KCNK9: variants seen among roughly 807,000 people sequenced by gnomAD.
KCNK9 encodes potassium two pore domain channel subfamily K member 9, also known as potassium channel subfamily K member 9.
In KCNK9, 1 loss-of-function variant was observed where a neutral mutation model predicts 10.8. The ratio of observed to expected loss-of-function variants is 0.09; its 90% CI spans 0.03 to 0.44. The LOEUF is 0.44. Among genes scored for constraint, KCNK9 ranks in the 20% least tolerant of loss-of-function variants. The probability of loss-of-function intolerance (pLI) is 0.97; values close to 1 mark genes in which losing one functional copy is unlikely to be tolerated. For synonymous variants in KCNK9, 231 were observed against 222.7 expected, an observed-to-expected ratio of 1.04 and a Z score of -0.33; for missense variants, 303 against 515.0, an observed-to-expected ratio of 0.59 and a Z score of 3.98.
At position 139,619,059 on chromosome 8, in the gene KCNK9, G is replaced by A. The variant is rs773384572; in HGVS notation, c.324C>T (p.Ala108=). The part of the protein sequence containing the change: ...HAAPGTDAGK[A]FCMFYAVLGI... ...CCAGCACGGCGTAGAACATGCAGAA[G>A]GCCTTGCCCGCATCGGTGCCAGGTG... Residue 108 remains alanine (A), a synonymous_variant, in exon 2 of 2, where the codon GCC becomes GCT. Coordinates refer to ENST00000520439, the MANE Select transcript of KCNK9 (RefSeq NM_001282534.2). 1.2e-6 allele frequency: 2 copies of A among 1,614,230 alleles called. No homozygotes were observed. The highest frequency in any genetic ancestry group is 4.5e-5 in the East Asian group (2 of 44,886).
chr8:139,673,156 G>A (rs1271053554), intron 1 of KCNK9, among the ~76,000 whole-genome samples: 1 of 152,128 alleles, frequency 6.6e-6, no homozygotes, highest in East Asian at 1.9e-4. Flanking sequence ...AAAACCTTGT[G>A]TGATAGAGAC....
At chr8:139,614,369 C>CATT (rs1814517611), downstream of KCNK9, among the ~76,000 whole-genome samples, 1 of 152,174 alleles carries the variant, frequency 6.6e-6, no homozygotes, top group Non-Finnish European at 1.5e-5. Context: ...GGTCTAAGTC[C>CATT]ATTTGCCAAC....
At position 139,682,994 on chromosome 8, in the gene KCNK9, T is replaced by G. The variant is rs146208048; in HGVS notation, c.283+19716A>C. 1.1e-3 allele frequency among the ~76,000 whole-genome samples: 160 copies of G among 152,230 alleles called. 1 individual carries two copies. The highest frequency in any genetic ancestry group is 3.8e-3 in the African/African-American group (159 of 41,530). ...TTCCAATGTCCAGGCCTCCTGGGAC[T>G]GGGGTGGTAAGGCACTTCAACCAGA... On this transcript the variant is annotated intron_variant, in intron 1 of 1. Transcript: ENST00000520439.
intron 2 of KCNK9, among the ~76,000 whole-genome samples, chr8:139,602,240 G>A (rs1817388435): frequency 6.6e-6 from 1 of 152,224 alleles, no homozygotes; most frequent in African/African-American, 2.4e-5. Flanking sequence ...AGATGGGAGG[G>A]GCTGCTGCAC....
Position 139,668,798 on chromosome 8 carries a change from G to A in KCNK9, c.283+33912C>T, listed in dbSNP as rs190568080. 5.3e-5 allele frequency among the ~76,000 whole-genome samples: 8 copies of A among 152,226 alleles called. No homozygotes were observed. In the East Asian group the frequency reaches 5.8e-4, roughly 11 times the overall value. ...CCTTTATTGCAATCTTCACTTTCTC[G>A]TGGTGATCTTGAACTGAGCCTGAGT... is the stretch of plus-strand genomic sequence containing the variant. On this transcript the variant is annotated intron_variant, in intron 1 of 1. Transcript: ENST00000520439.
Position 139,617,287 on chromosome 8 carries a change from T to C in KCNK9, c.*971A>G, listed in dbSNP as rs1445590591. Among the ~76,000 whole-genome samples the C allele has an allele frequency of 2.6e-5, 4 of 152,160 alleles. No individual in the cohort carries two copies. Among genetic ancestry groups the C allele is most frequent in the African/African-American group, 9.7e-5 (4 of 41,432 alleles). On this transcript the variant is annotated 3_prime_UTR_variant, in exon 2 of 2. Coordinates refer to ENST00000520439, the MANE Select transcript of KCNK9 (RefSeq NM_001282534.2). ...CACAAAATCATCAATAAGAGGGAAA[T>C]AGATACTCTGGGGTTCCAACAATTT...
chr8:139,631,021 G>A (rs567100385), intron 1 of KCNK9, among the ~76,000 whole-genome samples: 1 of 152,242 alleles, frequency 6.6e-6, no homozygotes, highest in South Asian at 2.1e-4. Context: ...TCTGCGCAGC[G>A]CCGGCCACCG....
At chr8:139,650,177 C>A (rs566655849) in intron 1 of KCNK9, among the ~76,000 whole-genome samples, 1 of 152,348 alleles carries the variant, frequency 6.6e-6, no homozygotes, top group South Asian at 2.1e-4. Flanking sequence ...CAAAGAAGAG[C>A]ATCTGGAGTG....
intron 1 of KCNK9, among the ~76,000 whole-genome samples, chr8:139,655,656 A>T (rs1355296519): frequency 6.6e-6 from 1 of 152,228 alleles, no homozygotes; most frequent in Non-Finnish European, 1.5e-5. Context: ...AGAGAAGGGC[A>T]GTAACCCCTT....
At chr8:139,676,068 A>G (rs6985499) in intron 1 of KCNK9, among the ~76,000 whole-genome samples, 85,096 of 152,060 alleles carry the variant, frequency 0.56, 23,969 homozygotes, top group Admixed American at 0.6. Context: ...AGCCCTAGAG[A>G]AGGGCAGGGC....
chr8:139,649,183 T>C (rs1353235246), intron 1 of KCNK9, among the ~76,000 whole-genome samples: 1 of 152,190 alleles, frequency 6.6e-6, no homozygotes, highest in Non-Finnish European at 1.5e-5. Flanking sequence ...TGAAGATGGA[T>C]GGACTCCGGT....
chr8:139,639,314 G>A (rs1815427127), intron 1 of KCNK9, among the ~76,000 whole-genome samples: 1 of 152,232 alleles, frequency 6.6e-6, no homozygotes, highest in Admixed American at 6.5e-5. Flanking sequence ...ATGGAGGCAT[G>A]GAAGGTGGAG....
chr8:139,624,775 G>C (rs1814912373), intron 1 of KCNK9, among the ~76,000 whole-genome samples: 1 of 152,228 alleles, frequency 6.6e-6, no homozygotes, highest in Non-Finnish European at 1.5e-5. Flanking sequence ...TCCACAGTCA[G>C]AGGCAACTGA....
chr8:139,666,505 T>C (rs1265232463), intron 1 of KCNK9, among the ~76,000 whole-genome samples: 1 of 152,224 alleles, frequency 6.6e-6, no homozygotes, highest in African/African-American at 2.4e-5. Flanking sequence ...AGGAGGAAAC[T>C]GAGGCAAAGA....
At chr8:139,671,534 G>A (rs1010224342) in intron 1 of KCNK9, among the ~76,000 whole-genome samples, 1 of 146,094 alleles carries the variant, frequency 6.8e-6, no homozygotes, top group African/African-American at 2.5e-5. Context: ...TTTTTTAGAT[G>A]GAGTCTTGCT....
rs552708926 is a variant in KCNK9 at position 139,629,252 on chromosome 8, G to A, written c.284-10153C>T. On this transcript the variant is annotated intron_variant, in intron 1 of 1. Transcript: ENST00000520439. ...GAAACACCCTCTGCTGGCTGGGGCC[G>A]AGATGCATGCGGGGGCGCCCCTGGG... Among the ~76,000 whole-genome samples, 13 of 152,326 alleles carry A rather than the reference G, an allele frequency of 8.5e-5. No individual in the cohort carries two copies. In the East Asian group the frequency reaches 9.7e-4, roughly 11 times the overall value.
At position 139,654,077 on chromosome 8, in the gene KCNK9, A is replaced by G. The variant is rs77379985; in HGVS notation, c.284-34978T>C. 6.2e-3 allele frequency among the ~76,000 whole-genome samples: 939 copies of G among 152,334 alleles called. 10 individuals carry two copies. Among genetic ancestry groups the G allele is most frequent in the African/African-American group, 0.021 (879 of 41,578 alleles). On this transcript the variant is annotated intron_variant, in intron 1 of 1. Transcript: ENST00000520439. ...CCCTGCCTAGGGCCTTGTCAAGTCAATTGCCCCAGGAACAGAGCTTTCCAG... is the reference window on the plus strand; with the variant it reads ...CCCTGCCTAGGGCCTTGTCAAGTCAGTTGCCCCAGGAACAGAGCTTTCCAG...
intron 1 of KCNK9, among the ~76,000 whole-genome samples, chr8:139,675,477 C>A (rs1172068385): frequency 1.3e-5 from 2 of 152,058 alleles, no homozygotes; most frequent in Non-Finnish European, 2.9e-5. Context: ...AAGGACAGAC[C>A]CCAGAAAGCC....
intron 1 of KCNK9, among the ~76,000 whole-genome samples, chr8:139,687,500 A>T (rs113426277): frequency 0.62 from 39,833 of 64,322 alleles, 12,498 homozygotes; most frequent in East Asian, 0.81. Context: ...ACACATATAT[A>T]CATATATATG....
Sources: gnomAD v4.1 joint callset for allele counts (sites outside exome capture counted in the v4.1 genomes callset) on GRCh38, gnomAD v4.1.1 for gene constraint, MANE v1.5 for transcripts, NCBI Gene and HGNC (gene_info 2026-07-23, HGNC 2026-07-21) for gene names.